The following XRCC4 variants were observed in gnomAD, a reference collection of about 807,000 sequenced individuals.
The protein encoded by XRCC4 is DNA repair protein XRCC4.
In XRCC4, 28 loss-of-function variants were observed where a neutral mutation model predicts 39.1. That is an observed-to-expected ratio of 0.72 (90% CI 0.53 to 0.98). The LOEUF (loss-of-function observed/expected upper bound fraction) is 0.98, where lower values mean the gene tolerates loss of function less well. Ranked by LOEUF, XRCC4 falls within the 50% of genes least tolerant of loss-of-function variation. The probability of loss-of-function intolerance (pLI) is 0.00; values close to 1 mark genes in which losing one functional copy is unlikely to be tolerated. For missense variants in XRCC4, 350 were observed against 376.4 expected, an observed-to-expected ratio of 0.93 and a Z score of 0.58; for synonymous variants, 123 against 126.4, an observed-to-expected ratio of 0.97 and a Z score of 0.18.
chr5:83,171,760 C>G (rs1036329628), intron 3 of XRCC4, among the ~76,000 whole-genome samples: 5 of 152,144 alleles, frequency 3.3e-5, no homozygotes, highest in Admixed American at 6.6e-5. Context: ...CCCATCAACT[C>G]TTTTCAAATT....
chr5:83,136,514 C>T (rs960473683), intron 3 of XRCC4, among the ~76,000 whole-genome samples: 1 of 152,212 alleles, frequency 6.6e-6, no homozygotes, highest in African/African-American at 2.4e-5. Context: ...TGACTATCAT[C>T]GTTCCCCAAC....
chr5:83,169,999 T>C (rs966703756), intron 3 of XRCC4, among the ~76,000 whole-genome samples: 1 of 152,214 alleles, frequency 6.6e-6, no homozygotes, highest in African/African-American at 2.4e-5. Context: ...TTTTGCCATA[T>C]GTGATTTTTT....
intron 7 of XRCC4, among the ~76,000 whole-genome samples, chr5:83,261,392 A>G (rs1753743114): frequency 6.6e-6 from 1 of 152,048 alleles, no homozygotes; most frequent in Non-Finnish European, 1.5e-5. Context: ...AAATAAACGC[A>G]GATATGGTTA....
intron 3 of XRCC4, among the ~76,000 whole-genome samples, chr5:83,153,194 G>A (rs991379267): frequency 6.7e-6 from 1 of 149,976 alleles, no homozygotes; most frequent in Non-Finnish European, 1.5e-5. Flanking sequence ...GCTGTTTCAT[G>A]TAACAATAGT....
At chr5:83,144,957 G>A (rs1748381470) in intron 3 of XRCC4, among the ~76,000 whole-genome samples, 1 of 152,100 alleles carries the variant, frequency 6.6e-6, no homozygotes, top group Non-Finnish European at 1.5e-5. Context: ...GTGCAGTGGT[G>A]CAATCTTGGC....
intron 3 of XRCC4, among the ~76,000 whole-genome samples, chr5:83,146,851 G>C (rs1456430072): frequency 1.3e-5 from 2 of 152,186 alleles, no homozygotes; most frequent in East Asian, 3.9e-4. Flanking sequence ...AAGGCGATTA[G>C]GTTTTCTTTG....
At chr5:83,285,094 T>C (rs1321992486) in intron 7 of XRCC4, among the ~76,000 whole-genome samples, 1 of 152,168 alleles carries the variant, frequency 6.6e-6, no homozygotes, top group Non-Finnish European at 1.5e-5. Flanking sequence ...TTTCTGCTTA[T>C]CTTTTAACCT....
chr5:83,291,527 A>G (rs750220154), intron 7 of XRCC4, among the ~76,000 whole-genome samples: 27 of 151,924 alleles, frequency 1.8e-4, no homozygotes, highest in Non-Finnish European at 3.2e-4. Context: ...GTGGACTTAC[A>G]TGTAAGCCAG....
intron 7 of XRCC4, among the ~76,000 whole-genome samples, chr5:83,282,283 A>T (rs1230881242): frequency 2.6e-5 from 4 of 152,188 alleles, no homozygotes; most frequent in Non-Finnish European, 1.5e-5. Flanking sequence ...AATAACCAGG[A>T]ATGTACGCAA....
intron 3 of XRCC4, among the ~76,000 whole-genome samples, chr5:83,171,646 C>T (rs1162606862): frequency 6.6e-6 from 1 of 152,086 alleles, no homozygotes; most frequent in Non-Finnish European, 1.5e-5. Flanking sequence ...ACTCATTTGC[C>T]GTACCTACCT....
intron 3 of XRCC4, among the ~76,000 whole-genome samples, chr5:83,153,642 CT>C (rs1278390035): frequency 6.6e-6 from 1 of 152,156 alleles, no homozygotes; most frequent in Admixed American, 6.5e-5. Context: ...ATGACAAAGG[CT>C]GGCAAGGATG....
chr5:83,134,858 AACAACTCTGG>A (rs1346205255), intron 3 of XRCC4, among the ~76,000 whole-genome samples: 1 of 152,166 alleles, frequency 6.6e-6, no homozygotes, highest in Non-Finnish European at 1.5e-5. Context: ...GGGCAGAAGG[AACAACTCTGG>A]ACACGCCACC....
At chr5:83,268,864 A>C (rs567368493) in intron 7 of XRCC4, among the ~76,000 whole-genome samples, 1 of 152,340 alleles carries the variant, frequency 6.6e-6, no homozygotes, top group South Asian at 2.1e-4. Flanking sequence ...AATTTAGCAA[A>C]CCAATGAAGT....
At position 83,185,820 on chromosome 5, in the gene XRCC4, A is replaced by G. The variant is rs191643965; in HGVS notation, c.316-9950A>G. Among the ~76,000 whole-genome samples, 6 of 152,248 alleles carry G rather than the reference A, an allele frequency of 3.9e-5. No homozygotes were observed. In the East Asian group the frequency reaches 9.6e-4, roughly 24 times the overall value. ...AATAACTGGTGAAGAAGCATTGGTTAGGTATTTGGAGAGAGAAATTAAAAA... is the reference window on the plus strand; with the variant it reads ...AATAACTGGTGAAGAAGCATTGGTTGGGTATTTGGAGAGAGAAATTAAAAA... On this transcript the variant is annotated intron_variant, in intron 3 of 7. Coordinates refer to ENST00000396027, the MANE Select transcript of XRCC4 (RefSeq NM_003401.5).
At chr5:83,137,047 A>C (rs1477446354) in intron 3 of XRCC4, among the ~76,000 whole-genome samples, 1 of 152,174 alleles carries the variant, frequency 6.6e-6, no homozygotes, top group Non-Finnish European at 1.5e-5. Context: ...TCAAGTCATC[A>C]AGTTGTGTAC....
In XRCC4 at chr5:83,203,534, A is replaced by G. The variant is rs1751293361; in HGVS notation, c.483-18A>G. ...GCAGAACTGCATGACTAATTTGTTT[A>G]CTTATTTACTTTTTTAGATTTGAAA... On this transcript the variant is annotated intron_variant, in intron 4 of 7. Coordinates refer to ENST00000396027, the MANE Select transcript of XRCC4 (RefSeq NM_003401.5). 1 of 1,569,664 alleles carries G rather than the reference A, an allele frequency of 6.4e-7. No individual in the cohort carries two copies. Among genetic ancestry groups the G allele is most frequent in the Non-Finnish European group, 8.6e-7 (1 of 1,163,808 alleles).
At chr5:83,180,918 T>A (rs1750174732) in intron 3 of XRCC4, among the ~76,000 whole-genome samples, 3 of 152,206 alleles carry the variant, frequency 2.0e-5, no homozygotes, top group Non-Finnish European at 4.4e-5. Context: ...GTTTTTGTTT[T>A]GTTTTAATTT....
At chr5:83,276,268 T>A (rs923560212) in intron 7 of XRCC4, among the ~76,000 whole-genome samples, 3 of 152,148 alleles carry the variant, frequency 2.0e-5, no homozygotes, top group African/African-American at 7.2e-5. Flanking sequence ...CTCTGAGCAT[T>A]TCTAAGATAG....
intron 7 of XRCC4, among the ~76,000 whole-genome samples, chr5:83,350,269 A>T (rs1757040639): frequency 6.6e-6 from 1 of 151,998 alleles, no homozygotes; most frequent in African/African-American, 2.4e-5. Context: ...GTTTTTTGGG[A>T]GGTATATGCC....
Sources: allele counts gnomAD v4.1 joint callset (sites outside exome capture counted in the v4.1 genomes callset), GRCh38; gene constraint gnomAD v4.1.1; transcripts MANE v1.5; gene names NCBI Gene and HGNC (gene_info 2026-07-23, HGNC 2026-07-21).